Variants in ITGBL1 observed in about 807,000 individuals in gnomAD.
ITGBL1 encodes integrin subunit beta like 1.
In ITGBL1, 51 loss-of-function variants were observed where a neutral mutation model predicts 68.5. That is an observed-to-expected ratio of 0.74 (90% CI 0.59 to 0.94). The LOEUF is 0.94. Ranked by LOEUF, ITGBL1 falls within the 40% of genes least tolerant of loss-of-function variation. The probability of loss-of-function intolerance (pLI) is 0.00; values close to 1 mark genes in which losing one functional copy is unlikely to be tolerated. For synonymous variants in ITGBL1, 209 were observed against 227.3 expected (o/e 0.92, Z 0.72); for missense variants, 649 against 647.4 (o/e 1.00, Z -0.03).
chr13:101,478,377 T>C (rs183767635), intron 2 of ITGBL1, among the ~76,000 whole-genome samples: 12 of 152,072 alleles, frequency 7.9e-5, no homozygotes, highest in Admixed American at 7.9e-4. Flanking sequence ...GCTAGTATCA[T>C]ACTGATTGGG....
intron 7 of ITGBL1, among the ~76,000 whole-genome samples, chr13:101,611,942 C>G (rs1027634276): frequency 1.3e-5 from 2 of 152,172 alleles, no homozygotes; most frequent in Admixed American, 6.5e-5. Context: ...AATCATGTGA[C>G]TAACCCATCG....
intron 7 of ITGBL1, among the ~76,000 whole-genome samples, chr13:101,653,858 T>A: frequency 1.5e-5 from 1 of 67,250 alleles, no homozygotes; most frequent in African/African-American, 5.2e-5. Flanking sequence ...CCAGCTACTT[T>A]TTTTGTTTTT....
chr13:101,578,197 G>T (rs1025041619), intron 4 of ITGBL1, among the ~76,000 whole-genome samples: 2 of 152,078 alleles, frequency 1.3e-5, no homozygotes, highest in African/African-American at 4.8e-5. Context: ...TCCTATTAAT[G>T]TTCTTGCCAT....
chr13:101,659,011 C>T (rs1290610190), intron 7 of ITGBL1, among the ~76,000 whole-genome samples: 4 of 151,014 alleles, frequency 2.6e-5, no homozygotes, highest in African/African-American at 4.9e-5. Context: ...TATAGTGACC[C>T]CTAATCAGGC....
chr13:101,511,710 C>G (rs1238823180), intron 2 of ITGBL1, among the ~76,000 whole-genome samples: 1 of 152,056 alleles, frequency 6.6e-6, no homozygotes, highest in African/African-American at 2.4e-5. Flanking sequence ...CACAAACAAC[C>G]TGTGGTTGCT....
chr13:101,639,795 C>T (rs937837995), intron 7 of ITGBL1, among the ~76,000 whole-genome samples: 3 of 152,106 alleles, frequency 2.0e-5, no homozygotes, highest in Non-Finnish European at 2.9e-5. Context: ...AATGCAATTT[C>T]GGTTAAACTT....
At chr13:101,469,150 A>G (rs571524269) in intron 2 of ITGBL1, among the ~76,000 whole-genome samples, 2 of 152,342 alleles carry the variant, frequency 1.3e-5, no homozygotes, top group South Asian at 2.1e-4. Context: ...GCAGGTTTTA[A>G]TATACGTATA....
At chr13:101,476,011 A>G (rs1427133174) in intron 2 of ITGBL1, among the ~76,000 whole-genome samples, 1 of 152,212 alleles carries the variant, frequency 6.6e-6, no homozygotes, top group African/African-American at 2.4e-5. Context: ...CTGAAGGTAC[A>G]AAACTCTCTG....
At chr13:101,573,440 G>A (rs1214406636) in intron 3 of ITGBL1, among the ~76,000 whole-genome samples, 1 of 152,154 alleles carries the variant, frequency 6.6e-6, no homozygotes, top group African/African-American at 2.4e-5. Flanking sequence ...GAATCATGCA[G>A]AGGATATGAA....
intron 2 of ITGBL1, among the ~76,000 whole-genome samples, chr13:101,545,268 A>G (rs1352438240): frequency 6.6e-6 from 1 of 152,236 alleles, no homozygotes; most frequent in Non-Finnish European, 1.5e-5. Flanking sequence ...AGAAAAAAGT[A>G]AAAATACTCT....
intron 7 of ITGBL1, among the ~76,000 whole-genome samples, chr13:101,612,994 G>A (rs559021186): frequency 9.2e-5 from 14 of 152,242 alleles, no homozygotes; most frequent in African/African-American, 3.1e-4. Context: ...AGATGGCCAC[G>A]TGGCTGCATG....
chr13:101,681,529 A>G (rs191290912), intron 7 of ITGBL1, among the ~76,000 whole-genome samples: 1 of 152,284 alleles, frequency 6.6e-6, no homozygotes, highest in East Asian at 1.9e-4. Flanking sequence ...TTGTCAATCC[A>G]TGAGGTTAGT....
At chr13:101,611,927 A>G (rs373182275) in intron 7 of ITGBL1, among the ~76,000 whole-genome samples, 4 of 152,306 alleles carry the variant, frequency 2.6e-5, no homozygotes, top group African/African-American at 9.6e-5. Flanking sequence ...ACTACGTCTC[A>G]TGAGAATCAT....
chr13:101,506,279 T>C (rs181347995), intron 2 of ITGBL1, among the ~76,000 whole-genome samples: 1 of 152,180 alleles, frequency 6.6e-6, no homozygotes, highest in African/African-American at 2.4e-5. Context: ...TTCTAGCATC[T>C]GTGACATTGA....
chr13:101,651,704 G>A (rs2032756208), intron 7 of ITGBL1, among the ~76,000 whole-genome samples: 1 of 151,988 alleles, frequency 6.6e-6, no homozygotes, highest in African/African-American at 2.4e-5. Flanking sequence ...TTTTGCTTTT[G>A]TTGCAATTGC....
intron 8 of ITGBL1, among the ~76,000 whole-genome samples, chr13:101,702,378 G>T (rs532774768): frequency 6.6e-6 from 1 of 152,054 alleles, no homozygotes; most frequent in East Asian, 1.9e-4. Context: ...GGAATTGATT[G>T]TATTTCTTTT....
intron 8 of ITGBL1, among the ~76,000 whole-genome samples, chr13:101,699,419 A>G (rs777268231): frequency 1.3e-5 from 2 of 152,126 alleles, no homozygotes; most frequent in African/African-American, 2.4e-5. Flanking sequence ...TGTAGTTTCT[A>G]TAATCCCCAA....
At chr13:101,642,005 G>T (rs374400813) in intron 7 of ITGBL1, among the ~76,000 whole-genome samples, 21 of 151,846 alleles carry the variant, frequency 1.4e-4, no homozygotes, top group Admixed American at 5.3e-4. Context: ...CTATTGTGAA[G>T]AGTGCCGCAA....
chr13:101,629,677 T>C (rs1244803264), intron 7 of ITGBL1, among the ~76,000 whole-genome samples: 1 of 152,206 alleles, frequency 6.6e-6, no homozygotes. Flanking sequence ...ATAGTGCTTC[T>C]GTTTTAATCA....
Sources: allele counts gnomAD v4.1 joint callset (sites outside exome capture counted in the v4.1 genomes callset), GRCh38; gene constraint gnomAD v4.1.1; transcripts MANE v1.5; gene names NCBI Gene and HGNC (gene_info 2026-07-23, HGNC 2026-07-21).